The following DNAJC12 variants were observed in gnomAD, a reference collection of about 807,000 sequenced individuals.
The protein encoded by DNAJC12 is DnaJ heat shock protein family (Hsp40) member C12.
A neutral mutation model predicts 28.5 loss-of-function variants in DNAJC12; 25 were observed. The observed-to-expected ratio is 0.88, with a 90% CI of 0.64 to 1.22. The LOEUF (loss-of-function observed/expected upper bound fraction) is 1.22. DNAJC12 is among the 50% of genes most tolerant of loss of function. The pLI is 0.00. For missense variants in DNAJC12, 222 were observed against 231.7 expected (o/e 0.96, Z 0.27); for synonymous variants, 77 against 80.6 (o/e 0.95, Z 0.24).
At chr10:67,811,989 T>C (rs1841865548) in intron 2 of DNAJC12, among the ~76,000 whole-genome samples, 1 of 152,134 alleles carries the variant, frequency 6.6e-6, no homozygotes, top group Non-Finnish European at 1.5e-5. Flanking sequence ...AAAATACTAT[T>C]CCACCTTATA....
At chr10:67,797,763 A>G (rs575540801) in intron 4 of DNAJC12, among the ~76,000 whole-genome samples, 2 of 152,308 alleles carry the variant, frequency 1.3e-5, no homozygotes, top group East Asian at 3.9e-4. Context: ...AACCTTTGCC[A>G]GGCGCAGTGG....
chr10:67,832,916 C>CT (rs1217151888), intron 1 of DNAJC12, among the ~76,000 whole-genome samples: 2 of 152,266 alleles, frequency 1.3e-5, no homozygotes, highest in Non-Finnish European at 2.9e-5. Flanking sequence ...ACATGAGATA[C>CT]TAAGAAAGGC....
intron 1 of DNAJC12, among the ~76,000 whole-genome samples, chr10:67,824,754 G>A (rs1430774457): frequency 6.6e-6 from 1 of 151,578 alleles, no homozygotes; most frequent in Non-Finnish European, 1.5e-5. Flanking sequence ...TTATTTTTGA[G>A]ACAGAGTCTC....
chr10:67,816,193 G>T (rs911915001), intron 2 of DNAJC12: 3 of 397,484 alleles, frequency 7.5e-6, no homozygotes. Flanking sequence ...TATTACAACA[G>T]TCACATTTTA....
intron 2 of DNAJC12, 51 bp downstream of exon 2, chr10:67,823,263 G>T: frequency 6.8e-7 from 1 of 1,480,904 alleles, no homozygotes; most frequent in Non-Finnish European, 9.4e-7. Context: ...CTGGCTTTTG[G>T]TTCTATATAC....
chr10:67,802,974 G>A lies in DNAJC12; in HGVS notation c.502+2609C>T, dbSNP rs550011410. Among the ~76,000 whole-genome samples, 41 of 150,886 alleles carry A rather than the reference G, an allele frequency of 2.7e-4. No individual in the cohort carries two copies. In the South Asian group the frequency reaches 4.0e-3, roughly 15 times the overall value. Reference sequence around the variant, plus strand: ...ACACACACACCCGGGCTCAAGTAACGGGATTACAGGCACGCACCACCACTC... The same window carrying A: ...ACACACACACCCGGGCTCAAGTAACAGGATTACAGGCACGCACCACCACTC... On this transcript the variant is annotated intron_variant, in intron 4 of 4. Coordinates refer to ENST00000225171, the MANE Select transcript of DNAJC12 (RefSeq NM_021800.3).
chr10:67,830,404 T>C (rs1253094499), intron 1 of DNAJC12, among the ~76,000 whole-genome samples: 1 of 151,006 alleles, frequency 6.6e-6, no homozygotes, highest in African/African-American at 2.4e-5. Flanking sequence ...GTCAGGAGAT[T>C]GAGACCATCC....
chr10:67,816,620 A>ACTG (rs1416929963), intron 2 of DNAJC12, among the ~76,000 whole-genome samples: 2 of 146,532 alleles, frequency 1.4e-5, no homozygotes, highest in East Asian at 4.0e-4. Flanking sequence ...ACCTCAGCTC[A>ACTG]CTGCAACCAC....
At chr10:67,810,329 A>G (rs575949135) in intron 3 of DNAJC12, among the ~76,000 whole-genome samples, 1 of 152,234 alleles carries the variant, frequency 6.6e-6, no homozygotes, top group African/African-American at 2.4e-5. Context: ...TCCAAACCAT[A>G]TCAACACTTG....
Position 67,838,168 on chromosome 10 carries a change from T to C in DNAJC12, c.-157A>G. 5.7e-6 allele frequency: 3 copies of C among 522,740 alleles called. No homozygotes were observed. Among genetic ancestry groups the C allele is most frequent in the Non-Finnish European group, 1.0e-5 (3 of 297,194 alleles). The allele number at this position is 522,740 out of a possible 1,614,324, so 32.4% of individuals were successfully genotyped here. A position where few individuals can be genotyped will look rare whatever the true frequency, so the allele number is the denominator to read the frequency against. The stretch of plus-strand genomic sequence containing the variant: ...GCCACAGTCAATACACCAGATGTCA[T>C]CCTAGACCTTTGTAAACTCTGCCTC... On this transcript the variant is annotated 5_prime_UTR_variant, in exon 1 of 5. The change abolishes an upstream ATG in the 5' untranslated region. Transcript: ENST00000225171.
chr10:67,833,598 C>T, intron 1 of DNAJC12, among the ~76,000 whole-genome samples: 1 of 152,082 alleles, frequency 6.6e-6, no homozygotes, highest in South Asian at 2.1e-4. Context: ...TTTGCTGGAC[C>T]ATGGTAGGGT....
At chr10:67,829,618 G>C (rs1842073314) in intron 1 of DNAJC12, among the ~76,000 whole-genome samples, 1 of 152,086 alleles carries the variant, frequency 6.6e-6, no homozygotes, top group African/African-American at 2.4e-5. Context: ...TCCAGCCTGG[G>C]CGACAGAGTG....
chr10:67,830,551 T>A (rs1387720518), intron 1 of DNAJC12, among the ~76,000 whole-genome samples: 1 of 150,502 alleles, frequency 6.6e-6, no homozygotes, highest in Non-Finnish European at 1.5e-5. Context: ...GAGCTTGCAG[T>A]GAGCTGAGAT....
rs34238470 is a variant in DNAJC12 at position 67,835,717 on chromosome 10, G to GAC, written c.78+2215_78+2216dup. On this transcript the variant is annotated intron_variant, in intron 1 of 4. Transcript: ENST00000225171. ...AAAACAAAAAAAAGAGAGAAAAAAT[G>GAC]ACACACACACACACACACACACACA... Among the ~76,000 whole-genome samples, 463 of 119,058 alleles carry GAC rather than the reference G, an allele frequency of 3.9e-3. 4 individuals carry two copies. Among genetic ancestry groups the GAC allele is most frequent in the East Asian group, 0.022 (106 of 4,732 alleles). The allele number at this position is 119,058 out of a possible 152,430, so 78.1% of individuals were successfully genotyped here.
chr10:67,807,870 C>A (rs1841818908), intron 3 of DNAJC12, among the ~76,000 whole-genome samples: 1 of 152,224 alleles, frequency 6.6e-6, no homozygotes, highest in African/African-American at 2.4e-5. Context: ...TTATCCATCT[C>A]CTTTGTGAGT....
At chr10:67,823,122 A>G (rs1841996305) in intron 2 of DNAJC12, among the ~76,000 whole-genome samples, 192 bp downstream of exon 2, 1 of 152,222 alleles carries the variant, frequency 6.6e-6, no homozygotes, top group African/African-American at 2.4e-5. Context: ...AAAGAAAAAT[A>G]GATCTTAAAC....
intron 1 of DNAJC12, among the ~76,000 whole-genome samples, chr10:67,833,438 CCTCTCTCTCT>C (rs3084613): frequency 1.3e-5 from 2 of 149,272 alleles, no homozygotes; most frequent in Non-Finnish European, 3.0e-5. Flanking sequence ...TCTCCCTCTC[CCTCTCTCTCT>C]CTCTCTCTCT....
intron 1 of DNAJC12, among the ~76,000 whole-genome samples, chr10:67,833,612 C>A (rs1041092546): frequency 6.6e-6 from 1 of 152,134 alleles, no homozygotes; most frequent in African/African-American, 2.4e-5. Flanking sequence ...GTAGGGTTAA[C>A]TATAGCAATG....
intron 3 of DNAJC12, chr10:67,808,434 C>T (rs1270488707): frequency 4.6e-5 from 7 of 152,090 alleles, no homozygotes; most frequent in Non-Finnish European, 1.0e-4. Flanking sequence ...CTTTCTTGAA[C>T]GAGTTGGTTT....
Sources: allele counts gnomAD v4.1 joint callset (sites outside exome capture counted in the v4.1 genomes callset), GRCh38; gene constraint gnomAD v4.1.1; transcripts MANE v1.5; gene names NCBI Gene and HGNC (gene_info 2026-07-23, HGNC 2026-07-21).